TLE1: variants seen among roughly 807,000 people sequenced by gnomAD.
TLE1 encodes the protein transducin-like enhancer protein 1.
In TLE1, 21 loss-of-function variants were observed where a neutral mutation model predicts 89.8. The ratio of observed to expected loss-of-function variants is 0.23; its 90% confidence interval spans 0.17 to 0.34. The LOEUF (loss-of-function observed/expected upper bound fraction) is 0.34, where lower values mean the gene tolerates loss of function less well. Among genes scored for constraint, TLE1 ranks in the 10% least tolerant of loss-of-function variants. TLE1 has a pLI of 1.00. For synonymous variants in TLE1, 447 were observed against 407.6 expected, an observed-to-expected ratio of 1.10 and a Z score of -1.16; for missense variants, 795 against 1,031.2, an observed-to-expected ratio of 0.77 and a Z score of 3.14.
chr9:81,634,345 A>T (rs375098749), intron 6 of TLE1, 44 bp from the exon 7 acceptor site: 32 of 1,413,834 alleles, frequency 2.3e-5, no homozygotes, highest in Admixed American at 5.1e-5. Context: ...GAGGAGGAGG[A>T]GGTAGTGGTG....
intron 6 of TLE1, among the ~76,000 whole-genome samples, chr9:81,637,871 G>GTGAAC (rs1827605634): frequency 6.6e-6 from 1 of 151,958 alleles, no homozygotes. Context: ...TAGGTATCAT[G>GTGAAC]ATACCTACCC....
chr9:81,597,081 G>T (rs528444992), intron 14 of TLE1, among the ~76,000 whole-genome samples: 8 of 152,260 alleles, frequency 5.3e-5, no homozygotes, highest in African/African-American at 1.9e-4. Context: ...GTCAACTGCG[G>T]TCTTGCCAAT....
intron 4 of TLE1, among the ~76,000 whole-genome samples, chr9:81,684,279 A>C (rs1276945696): frequency 6.6e-6 from 1 of 152,154 alleles, no homozygotes; most frequent in African/African-American, 2.4e-5. Context: ...TGAATAAGGC[A>C]CTAGCCACTG....
chr9:81,615,404 A>G (rs971541709), intron 11 of TLE1, among the ~76,000 whole-genome samples: 2 of 151,752 alleles, frequency 1.3e-5, no homozygotes, highest in African/African-American at 4.8e-5. Context: ...TGTGGCAAGA[A>G]CATATCCCCC....
At chr9:81,675,698 G>T (rs1412182447) in intron 4 of TLE1, among the ~76,000 whole-genome samples, 53 of 129,616 alleles carry the variant, frequency 4.1e-4, no homozygotes, top group African/African-American at 1.0e-3. Context: ...ACTCACACTA[G>T]TTTTTTTTTG....
intron 6 of TLE1, among the ~76,000 whole-genome samples, chr9:81,644,321 A>C (rs1357501344): frequency 1.3e-5 from 2 of 152,236 alleles, no homozygotes; most frequent in African/African-American, 4.8e-5. Flanking sequence ...GAAATAACCT[A>C]AATATCCATC....
At chr9:81,638,558 A>G (rs1028299671) in intron 6 of TLE1, among the ~76,000 whole-genome samples, 1 of 152,232 alleles carries the variant, frequency 6.6e-6, no homozygotes, top group African/African-American at 2.4e-5. Flanking sequence ...AATATATTTT[A>G]GGAAAAAGTG....
intron 2 of TLE1, among the ~76,000 whole-genome samples, chr9:81,686,405 A>C (rs1834283105): frequency 6.6e-6 from 1 of 152,228 alleles, no homozygotes; most frequent in East Asian, 1.9e-4. Context: ...TACTGCAATA[A>C]AGTGGGTTGA....
Position 81,660,937 on chromosome 9 carries a change from AC to A in TLE1, c.235-6902del, listed in dbSNP as rs1830694540. Among the ~76,000 whole-genome samples, 6 of 30,242 alleles carry A rather than the reference AC, an allele frequency of 2.0e-4. No homozygotes were observed. The South Asian group carries it at 0.015, about 74-fold the overall frequency. 19.8% of individuals were successfully genotyped at this position (30,242 alleles called of 152,430 possible). On this transcript the variant is annotated intron_variant, in intron 4 of 19. Transcript: ENST00000376499. The stretch of plus-strand genomic sequence containing the variant: ...CGGTGAAACCCCATCCCTACTAAAC[AC>A]ACACACACACACACACACACACACA...
chr9:81,676,630 C>G (rs888805603), intron 4 of TLE1, among the ~76,000 whole-genome samples: 1 of 152,196 alleles, frequency 6.6e-6, no homozygotes. Context: ...GGGGTAGACA[C>G]AGCAGGCTAT....
At chr9:81,598,788 G>T (rs1830537562) in intron 14 of TLE1, among the ~76,000 whole-genome samples, 1 of 152,184 alleles carries the variant, frequency 6.6e-6, no homozygotes, top group Admixed American at 6.5e-5. Context: ...TGAAAGCAAT[G>T]ACAATAATGA....
chr9:81,663,065 C>T (rs1003390060), intron 4 of TLE1, among the ~76,000 whole-genome samples: 3 of 152,074 alleles, frequency 2.0e-5, no homozygotes, highest in Non-Finnish European at 2.9e-5. Context: ...AGGCTGGTCT[C>T]GAACTCCTTA....
intron 4 of TLE1, among the ~76,000 whole-genome samples, chr9:81,665,795 G>T (rs2132847158): frequency 6.6e-6 from 1 of 151,934 alleles, no homozygotes; most frequent in South Asian, 2.1e-4. Context: ...TCTCCTTCCT[G>T]CAATGATGGT....
At chr9:81,619,232 T>C (rs1563979331) in intron 9 of TLE1, among the ~76,000 whole-genome samples, 1 of 152,134 alleles carries the variant, frequency 6.6e-6, no homozygotes, top group East Asian at 1.9e-4. Context: ...CTAAAAAGTG[T>C]TGGGCTAGGG....
At chr9:81,637,931 A>G (rs1827614139) in intron 6 of TLE1, among the ~76,000 whole-genome samples, 1 of 152,210 alleles carries the variant, frequency 6.6e-6, no homozygotes, top group Non-Finnish European at 1.5e-5. Context: ...TACAGGGCTC[A>G]GAGCCAGAAT....
intron 14 of TLE1, among the ~76,000 whole-genome samples, chr9:81,595,736 G>A (rs1830101363): frequency 6.6e-6 from 1 of 150,976 alleles, no homozygotes; most frequent in Non-Finnish European, 1.5e-5. Flanking sequence ...GGAGAATGGC[G>A]TGAACCTGGG....
In TLE1 at chr9:81,632,475, C is replaced by CTTTT. The variant is rs11376391; in HGVS notation, c.594+869_594+872dup. On this transcript the variant is annotated intron_variant, in intron 8 of 19. Coordinates refer to ENST00000376499, the MANE Select transcript of TLE1 (RefSeq NM_005077.5). ...TATCAGATTTAAATGTTCAGTATCC[C>CTTTT]TTTTTTTTTTTTTTTTTTTTTACCA... 9.5e-3 allele frequency among the ~76,000 whole-genome samples: 756 copies of CTTTT among 79,838 alleles called. 5 individuals carry two copies. The highest frequency in any genetic ancestry group is 0.041 in the Middle Eastern group (5 of 122). 52.4% of individuals were successfully genotyped at this position (79,838 alleles called of 152,430 possible).
intron 4 of TLE1, among the ~76,000 whole-genome samples, chr9:81,661,165 T>C (rs902055925): frequency 7.4e-6 from 1 of 134,252 alleles, no homozygotes; most frequent in African/African-American, 2.7e-5. Flanking sequence ...AAAAAATACA[T>C]ATATATTTAT....
At chr9:81,648,565 G>C (rs535277472) in intron 6 of TLE1, among the ~76,000 whole-genome samples, 1 of 152,206 alleles carries the variant, frequency 6.6e-6, no homozygotes, top group South Asian at 2.1e-4. Flanking sequence ...GATTATCTGT[G>C]ATGTAAAGAG....
Sources: allele counts gnomAD v4.1 joint callset (sites outside exome capture counted in the v4.1 genomes callset), GRCh38; gene constraint gnomAD v4.1.1; transcripts MANE v1.5; gene names NCBI Gene and HGNC (gene_info 2026-07-23, HGNC 2026-07-21).